Variants in AGMAT observed in about 807,000 individuals in gnomAD.
AGMAT encodes the protein agmatinase (putative).
AGMAT carries 37 observed loss-of-function variants against 29.3 expected under a neutral mutation model. The observed-to-expected ratio is 1.26, with a 90% CI of 0.97 to 1.66. AGMAT has a LOEUF of 1.66. Among genes scored for constraint, AGMAT ranks in the 40% most tolerant of loss-of-function variants. AGMAT has a pLI of 0.00. For synonymous variants in AGMAT, 199 were observed against 200.8 expected (o/e 0.99, Z 0.08); for missense variants, 498 against 497.8 (o/e 1.00, Z 0.00).
chr1:15,576,877 G>A (rs1277338391), intron 5 of AGMAT, among the ~76,000 whole-genome samples: 2 of 150,314 alleles, frequency 1.3e-5, no homozygotes, highest in Non-Finnish European at 3.0e-5. Flanking sequence ...AGCCTCCTGA[G>A]TAGCTGAGAT....
rs1638980400 is a variant in AGMAT at position 15,573,062 on chromosome 1, C to T, written c.*589G>A. On this transcript the variant is annotated 3_prime_UTR_variant, in exon 7 of 7. Transcript: ENST00000375826. ...TCACCTTAGGTCAGGAGTTCAAGAC[C>T]AGCCTGGCCAATGTGGTGAAACCCT... The T allele has an allele frequency of 6.6e-6, 1 of 152,276 alleles. No individual in the cohort carries two copies. 9.4% of individuals were successfully genotyped at this position (152,276 alleles called of 1,614,324 possible).
At chr1:15,580,351 G>A (rs904536952) in intron 2 of AGMAT, among the ~76,000 whole-genome samples, 2 of 151,676 alleles carry the variant, frequency 1.3e-5, no homozygotes, top group Non-Finnish European at 2.9e-5. Flanking sequence ...GATTACAGGT[G>A]TGTACCACCA....
intron 3 of AGMAT, 99 bp downstream of exon 3, chr1:15,579,995 A>G: frequency 9.0e-7 from 1 of 1,108,826 alleles, no homozygotes; most frequent in Admixed American, 1.7e-5. Context: ...TCATAACCTG[A>G]GCCAGCAGCA....
At position 15,573,565 on chromosome 1, in the gene AGMAT, T is replaced by C; in HGVS notation, c.*86A>G. ...AGCAGAAAGTTTTCTTGGCATAAAC[T>C]CTTTAGTTCTCAGACTGCTTACTCA... On this transcript the variant is annotated 3_prime_UTR_variant, in exon 7 of 7. Transcript: ENST00000375826. 1.6e-6 allele frequency: 2 copies of C among 1,281,502 alleles called. No individual in the cohort carries two copies. Among genetic ancestry groups the C allele is most frequent in the Non-Finnish European group, 2.3e-6 (2 of 886,318 alleles). The allele number at this position is 1,281,502 out of a possible 1,614,324, so 79.4% of individuals were successfully genotyped here. A position where few individuals can be genotyped will look rare whatever the true frequency, so the allele number is the denominator to read the frequency against.
chr1:15,583,795 C>A (rs1304534924), intron 1 of AGMAT, among the ~76,000 whole-genome samples: 1 of 152,142 alleles, frequency 6.6e-6, no homozygotes, highest in African/African-American at 2.4e-5. Flanking sequence ...GTAATCTATG[C>A]AAAGCACCTT....
intron 1 of AGMAT, 127 bp from the exon 2 acceptor site, chr1:15,583,522 A>C (rs1639144752): frequency 3.3e-6 from 3 of 921,658 alleles, no homozygotes; most frequent in Non-Finnish European, 4.9e-6. Context: ...GCATAATGGA[A>C]TGCTTAGCAG....
intron 6 of AGMAT, 88 bp from the exon 7 acceptor site, chr1:15,573,812 T>G: frequency 8.5e-7 from 1 of 1,179,648 alleles, no homozygotes; most frequent in South Asian, 1.3e-5. Flanking sequence ...CTTCCCCTTG[T>G]GCCTCCTTTT....
intron 5 of AGMAT, chr1:15,575,482 T>G (rs1407996411): frequency 2.0e-5 from 3 of 152,628 alleles, no homozygotes; most frequent in Non-Finnish European, 4.4e-5. Context: ...GGTACTTGAT[T>G]AGGTTTAAGC....
At chr1:15,573,808 C>T (rs1638994197) in intron 6 of AGMAT, 84 bp from the exon 7 acceptor site, 1 of 1,192,352 alleles carries the variant, frequency 8.4e-7, no homozygotes, top group African/African-American at 1.5e-5. Flanking sequence ...TTCTCTTCCC[C>T]TTGTGCCTCC....
At position 15,573,630 on chromosome 1, in the gene AGMAT, T is replaced by C; in HGVS notation, c.*21A>G. 6.2e-7 allele frequency: 1 copy of C among 1,611,150 alleles called. No individual in the cohort carries two copies. Among genetic ancestry groups the C allele is most frequent in the South Asian group, 1.1e-5 (1 of 91,026 alleles). ...GAACTTGTCAGCGACGCAATCTGTT[T>C]TGTCTTGAAGAGCACAAGACTCAGA... On this transcript the variant is annotated 3_prime_UTR_variant, in exon 7 of 7. Coordinates refer to ENST00000375826, the MANE Select transcript of AGMAT (RefSeq NM_024758.5).
chr1:15,584,817 C>T lies in AGMAT; in HGVS notation c.151G>A (p.Ala51Thr), dbSNP rs1027005607. ...RNQPPSPEFV[A>T]RPVGVCSMMR... ...ATGGAGCAGACGCCCACCGGCCGGG[C>T]CACGAACTCGGGGCTGGGGGGCTGG... The change falls in exon 1 of 7, where the codon GCC becomes ACC. Residue 51 changes from alanine to threonine, a missense_variant. Ala to Thr is a moderately conservative substitution (Grantham distance 58). Transcript: ENST00000375826. The T allele has an allele frequency of 1.4e-6, 2 of 1,412,564 alleles. No homozygotes were observed. The highest frequency in any genetic ancestry group is 1.8e-6 in the Non-Finnish European group (2 of 1,086,668). The allele number at this position is 1,412,564 out of a possible 1,614,324, so 87.5% of individuals were successfully genotyped here.
At chr1:15,584,595 G>GGGCCCCA in intron 1 of AGMAT, 101 bp downstream of exon 1, 1 of 1,208,522 alleles carries the variant, frequency 8.3e-7, no homozygotes, top group Non-Finnish European at 1.0e-6. Flanking sequence ...CTTCCAACTC[G>GGGCCCCA]ACCCGGGGCC....
intron 4 of AGMAT, among the ~76,000 whole-genome samples, chr1:15,578,146 C>G (rs941740320): frequency 6.6e-6 from 1 of 152,198 alleles, no homozygotes; most frequent in African/African-American, 2.4e-5. Context: ...GTCCAGAAGA[C>G]TGGCCTTGGC....
chr1:15,582,493 A>G (rs2103440034), intron 2 of AGMAT, among the ~76,000 whole-genome samples: 1 of 152,304 alleles, frequency 6.6e-6, no homozygotes, highest in African/African-American at 2.4e-5. Context: ...TCCTCCCACT[A>G]TGCCATGCAG....
chr1:15,578,208 A>G (rs1639065326), intron 4 of AGMAT, among the ~76,000 whole-genome samples: 1 of 152,102 alleles, frequency 6.6e-6, no homozygotes, highest in Non-Finnish European at 1.5e-5. Context: ...CTTGTCATAC[A>G]CGTCTATCTG....
chr1:15,583,244 G>C lies in AGMAT; in HGVS notation c.424C>G (p.Gln142Glu). Reference protein sequence around the residue: ...YNLQDSCRRIQEAYEKIVAAG... With the variant: ...YNLQDSCRRIEEAYEKIVAAG... ...GCTACAATTTTCTCATAGGCCTCTT[G>C]AATTCGCCGGCAGCTGTCCTGAAGG... The change falls in exon 2 of 7, where the codon CAA becomes GAA. Residue 142 changes from glutamine to glutamate, a missense_variant. By Grantham distance (29) the Gln-to-Glu change is conservative. Coordinates refer to ENST00000375826, the MANE Select transcript of AGMAT (RefSeq NM_024758.5). 1 of 1,614,102 alleles carries C rather than the reference G, an allele frequency of 6.2e-7. No homozygotes were observed. The highest frequency in any genetic ancestry group is 8.5e-7 in the Non-Finnish European group (1 of 1,180,030).
At position 15,571,703 on chromosome 1, in the gene AGMAT, AAAAG is replaced by A. The variant is rs1468857056; in HGVS notation, c.*1944_*1947del. The A allele has an allele frequency of 1.3e-5, 2 of 152,578 alleles. No homozygotes were observed. The highest frequency in any genetic ancestry group is 1.3e-4 in the Admixed American group (2 of 15,270). The allele number at this position is 152,578 out of a possible 1,614,324, so 9.5% of individuals were successfully genotyped here. ...TGTTATTTTAAGATTACAGAATGGA[AAAAG>A]AAATAAACTATTTTAATGTCTGATA... On this transcript the variant is annotated 3_prime_UTR_variant, in exon 7 of 7. Coordinates refer to ENST00000375826, the MANE Select transcript of AGMAT (RefSeq NM_024758.5).
chr1:15,582,276 GA>G lies in AGMAT; in HGVS notation c.475+916del, dbSNP rs1222463219. ...AGTGAAATTCTGTCTCAAAAAAAAA[GA>G]AAAAAAAAAAAGATATGCCATGCTT... On this transcript the variant is annotated intron_variant, in intron 2 of 6. Coordinates refer to ENST00000375826, the MANE Select transcript of AGMAT (RefSeq NM_024758.5). Among the ~76,000 whole-genome samples, 412 of 139,718 alleles carry G rather than the reference GA, an allele frequency of 2.9e-3. 2 individuals are homozygous for G. The highest frequency in any genetic ancestry group is 0.012 in the East Asian group (61 of 4,882). The allele number at this position is 139,718 out of a possible 152,430, so 91.7% of individuals were successfully genotyped here. A position where few individuals can be genotyped will look rare whatever the true frequency, so the allele number is the denominator to read the frequency against.
chr1:15,578,611 G>A (rs1639070653), intron 4 of AGMAT, among the ~76,000 whole-genome samples: 2 of 151,924 alleles, frequency 1.3e-5, no homozygotes, highest in African/African-American at 4.8e-5. Flanking sequence ...CCTCTTCTAA[G>A]CCAGCACCGT....
Sources: gnomAD v4.1 joint callset for allele counts (sites outside exome capture counted in the v4.1 genomes callset) on GRCh38, gnomAD v4.1.1 for gene constraint, MANE v1.5 for transcripts, NCBI Gene and HGNC (gene_info 2026-07-23, HGNC 2026-07-21) for gene names.